The following XPC variants were observed in gnomAD, a reference collection of about 807,000 sequenced individuals.
XPC encodes the protein XPC complex subunit, DNA damage recognition and repair factor, also known as DNA repair protein complementing XP-C cells.
Under a neutral mutation model 95.8 loss-of-function variants are expected in XPC, and 76 were observed. The observed-to-expected ratio is 0.79, with a 90% CI of 0.66 to 0.96. The LOEUF (loss-of-function observed/expected upper bound fraction) is 0.96. XPC is among the 40% of genes least tolerant of loss of function. The pLI is 0.00. For synonymous variants in XPC, 442 were observed against 442.1 expected, an observed-to-expected ratio of 1.00 and a Z score of 0.00; for missense variants, 1,146 against 1,179.8, an observed-to-expected ratio of 0.97 and a Z score of 0.42.
At chr3:14,148,316 T>C (rs1040429615) in intron 13 of XPC, 6 of 615,108 alleles carry the variant, frequency 9.8e-6, no homozygotes, top group African/African-American at 9.3e-5. Flanking sequence ...CACTAGCCTG[T>C]GAGTCCCTAA....
chr3:14,167,383 C>G, intron 4 of XPC, 130 bp from the exon 5 acceptor site: 4 of 785,712 alleles, frequency 5.1e-6, no homozygotes, highest in Non-Finnish European at 7.7e-6. Context: ...GGCTGTGCTA[C>G]TCAAGTCCGT....
chr3:14,178,439 G>A, intron 1 of XPC, 27 bp downstream of exon 1: 4 of 1,580,616 alleles, frequency 2.5e-6, no homozygotes, highest in Non-Finnish European at 3.4e-6. Context: ...GGCGTCTCCC[G>A]CGAAGCCCGC....
At chr3:14,153,675 A>G (rs974734578) in intron 10 of XPC, among the ~76,000 whole-genome samples, 5 of 152,234 alleles carry the variant, frequency 3.3e-5, no homozygotes, top group African/African-American at 1.2e-4. Context: ...GGTTAGGTAT[A>G]TTAAATGCAT....
intron 14 of XPC, 53 bp downstream of exon 14, chr3:14,147,855 G>A (rs1487567903): frequency 7.3e-6 from 11 of 1,510,394 alleles, no homozygotes; most frequent in African/African-American, 4.1e-5. Context: ...GAGGCCACCC[G>A]CTGAGTGTTG....
At chr3:14,174,609 T>C (rs193025283) in intron 1 of XPC, among the ~76,000 whole-genome samples, 1 of 152,330 alleles carries the variant, frequency 6.6e-6, no homozygotes, top group East Asian at 1.9e-4. Flanking sequence ...TTCAAAAGCA[T>C]CTAACAATAA....
intron 5 of XPC, among the ~76,000 whole-genome samples, chr3:14,166,520 A>T (rs879423988): frequency 1.5e-5 from 1 of 68,338 alleles, no homozygotes; most frequent in Admixed American, 1.6e-4. Context: ...CTTCACCCCC[A>T]CCCCCCAACA....
At chr3:14,161,659 A>G (rs1306090817) in intron 7 of XPC, among the ~76,000 whole-genome samples, 1 of 150,642 alleles carries the variant, frequency 6.6e-6, no homozygotes, top group African/African-American at 2.4e-5. Context: ...TCAGAACACT[A>G]GGAATAGAAG....
Position 14,156,314 on chromosome 3 carries a change from C to T in XPC, c.2033+21G>A, listed in dbSNP as rs773113159. On this transcript the variant is annotated intron_variant, in intron 10 of 15. Transcript: ENST00000285021. The stretch of plus-strand genomic sequence containing the variant: ...CATGCCATCAGGAAGCCCCTGAGGC[C>T]AACCAGGCTGCCTCACGCACCTGGA... The T allele has an allele frequency of 3.7e-6, 6 of 1,604,480 alleles. No homozygotes were observed. In the African/African-American group the frequency reaches 8.0e-5, roughly 22 times the overall value.
At chr3:14,152,246 G>A in intron 11 of XPC, 89 bp downstream of exon 11, 2 of 1,127,188 alleles carry the variant, frequency 1.8e-6, no homozygotes, top group Non-Finnish European at 2.6e-6. Flanking sequence ...GGACTGGGAG[G>A]CTCATCATCA....
rs531811388 is a variant in XPC at position 14,164,776 on chromosome 3, T to C, written c.900+37A>G. ...GGCTGCCATTATCATTAGTTAACAG[T>C]ACTGATAAAAAACAGTGATCCGGGA... On this transcript the variant is annotated intron_variant, in intron 7 of 15. Coordinates refer to ENST00000285021, the MANE Select transcript of XPC (RefSeq NM_004628.5). 3 of 1,606,948 alleles carry C rather than the reference T, an allele frequency of 1.9e-6. No homozygotes were observed. In the African/African-American group the frequency reaches 4.0e-5, roughly 21 times the overall value.
At chr3:14,175,134 G>A (rs1023954534) in intron 1 of XPC, among the ~76,000 whole-genome samples, 4 of 152,040 alleles carry the variant, frequency 2.6e-5, no homozygotes, top group African/African-American at 9.7e-5. Flanking sequence ...CCCCTCGCTC[G>A]CTGTGTCCAG....
At chr3:14,172,056 C>A (rs897150767) in intron 2 of XPC, among the ~76,000 whole-genome samples, 1 of 152,082 alleles carries the variant, frequency 6.6e-6, no homozygotes, top group African/African-American at 2.4e-5. Flanking sequence ...TCCTCTTCTC[C>A]CCACCCCTCA....
chr3:14,156,755 C>T lies in XPC; in HGVS notation c.1873-260G>A, dbSNP rs979048161. 3.3e-5 allele frequency among the ~76,000 whole-genome samples: 5 copies of T among 152,324 alleles called. 1 individual carries two copies. The Middle Eastern group carries it at 0.014, about 414-fold the overall frequency. On this transcript the variant is annotated intron_variant, in intron 9 of 15. Coordinates refer to ENST00000285021, the MANE Select transcript of XPC (RefSeq NM_004628.5). ...TGTCTAACCTATTTGAATGCTTAGA[C>T]ACCTAACCCAGCCCCAGCAGATGTG...
At position 14,158,343 on chromosome 3, in the gene XPC, A is replaced by G; in HGVS notation, c.1540T>C (p.Cys514Arg). ...SSSSKRGKKM[C>R]SDGEKAEKRS... ...TTTTCTGCCTTCTCACCATCGCTGC[A>G]CATTTTCTTGCCTCTTTTACTGCTT... The change falls in exon 9 of 16, where the codon TGC (cysteine) becomes CGC (arginine). Residue 514 changes from cysteine to arginine, a missense_variant. By Grantham distance (180) the Cys-to-Arg change is radical. Transcript: ENST00000285021. This position sits in a 1 kb window ranked among gnomAD's most constrained non-coding sequence, Gnocchi z 5.2. 1 of 1,613,894 alleles carries G rather than the reference A, an allele frequency of 6.2e-7. No homozygotes were observed. The highest frequency in any genetic ancestry group is 2.2e-5 in the East Asian group (1 of 44,860).
At position 14,167,120 on chromosome 3, in the gene XPC, T is replaced by C. The variant is rs144281979; in HGVS notation, c.621+49A>G. On this transcript the variant is annotated intron_variant, in intron 5 of 15. Coordinates refer to ENST00000285021, the MANE Select transcript of XPC (RefSeq NM_004628.5). Reference sequence around the variant, plus strand: ...AAATAAAGCCTCGGTGAGCACAAGCTCTTTGCACCGACAAGGAAAAGTCCT... The same window carrying C: ...AAATAAAGCCTCGGTGAGCACAAGCCCTTTGCACCGACAAGGAAAAGTCCT... 2,676 of 1,499,330 alleles carry C rather than the reference T, an allele frequency of 1.8e-3. 3 individuals carry two copies. Among genetic ancestry groups the C allele is most frequent in the Non-Finnish European group, 2.2e-3 (2,412 of 1,111,188 alleles). 92.9% of individuals were successfully genotyped at this position (1,499,330 alleles called of 1,614,324 possible).
intron 10 of XPC, 69 bp from the exon 11 acceptor site, chr3:14,152,485 G>A: frequency 1.0e-5 from 15 of 1,468,654 alleles, no homozygotes; most frequent in African/African-American, 1.4e-5. Flanking sequence ...CGGGACAGTG[G>A]AGAGCGCAGC....
At chr3:14,164,653 C>T in intron 7 of XPC, 160 bp downstream of exon 7, 1 of 668,922 alleles carries the variant, frequency 1.5e-6, no homozygotes, top group Admixed American at 3.5e-5. Flanking sequence ...ACCTTAGAGG[C>T]ATCATGTAGC....
At position 14,170,499 on chromosome 3, in the gene XPC, G is replaced by A; in HGVS notation, c.351C>T (p.Thr117=). The A allele has an allele frequency of 6.2e-7, 1 of 1,613,690 alleles. No individual in the cohort carries two copies. Among genetic ancestry groups the A allele is most frequent in the Admixed American group, 1.7e-5 (1 of 60,010 alleles). The change falls in exon 3 of 16, where the codon ACC becomes ACT. Residue 117 remains threonine (T), a synonymous_variant. Transcript: ENST00000285021. ...KKAHHLKRGA[T]MNEDSNEEEE... is the part of the protein sequence containing the mutation. ...CTTCTTCATTGCTGTCTTCATTCAT[G>A]GTAGCCCCTCTCTTCAGATGGTGTG... is the stretch of plus-strand genomic sequence containing the variant.
intron 7 of XPC, among the ~76,000 whole-genome samples, chr3:14,162,701 G>A (rs1279264916): frequency 6.6e-6 from 1 of 152,070 alleles, no homozygotes; most frequent in Non-Finnish European, 1.5e-5. Flanking sequence ...TTATGACCTT[G>A]GATTTGACAA....
Sources: allele counts gnomAD v4.1 joint callset (sites outside exome capture counted in the v4.1 genomes callset), GRCh38; gene constraint gnomAD v4.1.1; non-coding constraint Gnocchi (gnomAD v3.1); transcripts MANE v1.5; gene names NCBI Gene and HGNC (gene_info 2026-07-23, HGNC 2026-07-21).